The following PAX3 variants were observed in gnomAD, a reference collection of about 807,000 sequenced individuals.
PAX3 encodes paired box 3, also known as paired box protein Pax-3.
A neutral mutation model predicts 51.6 loss-of-function variants in PAX3; 14 were observed. That is an observed-to-expected ratio of 0.27 (90% CI 0.18 to 0.42). The LOEUF (loss-of-function observed/expected upper bound fraction) is 0.42. PAX3 is among the 10% of genes least tolerant of loss of function. The probability of loss-of-function intolerance (pLI) is 1.00; values close to 1 mark genes in which losing one functional copy is unlikely to be tolerated. For missense variants in PAX3, 540 were observed against 642.8 expected, an observed-to-expected ratio of 0.84 and a Z score of 1.73; for synonymous variants, 280 against 253.4, an observed-to-expected ratio of 1.11 and a Z score of -1.00.
chr2:222,233,650 G>A (rs542831635), intron 4 of PAX3, among the ~76,000 whole-genome samples: 2 of 152,162 alleles, frequency 1.3e-5, no homozygotes, highest in Non-Finnish European at 2.9e-5. Flanking sequence ...GCCCTCTCCC[G>A]GGACCCCAGA....
At chr2:222,224,727 T>C (rs1202172177) in intron 5 of PAX3, among the ~76,000 whole-genome samples, 1 of 152,226 alleles carries the variant, frequency 6.6e-6, no homozygotes, top group East Asian at 1.9e-4. Context: ...ATTGTATCAC[T>C]AATTCCTAAC....
chr2:222,298,173 C>T (rs45618941), intron 1 of PAX3: 9,006 of 315,380 alleles, frequency 0.029, 191 homozygotes, highest in Middle Eastern at 0.08. Flanking sequence ...GGGACAATTT[C>T]GAGACAACTT....
At chr2:222,260,066 G>A (rs1574707263) in intron 4 of PAX3, among the ~76,000 whole-genome samples, 1 of 152,112 alleles carries the variant, frequency 6.6e-6, no homozygotes, top group Admixed American at 6.5e-5. Flanking sequence ...GTAGAGATGA[G>A]GTCTAGCTTT....
chr2:222,200,030 C>A lies in PAX3; in HGVS notation c.*1378G>T, dbSNP rs1250513214. The A allele has an allele frequency of 4.9e-6, 1 of 205,318 alleles. No individual in the cohort carries two copies. Among genetic ancestry groups the A allele is most frequent in the Non-Finnish European group, 1.0e-5 (1 of 100,062 alleles). The allele number at this position is 205,318 out of a possible 1,614,324, so 12.7% of individuals were successfully genotyped here. On this transcript the variant is annotated 3_prime_UTR_variant, in exon 9 of 9. Coordinates refer to ENST00000392070, the MANE Select transcript of PAX3 (RefSeq NM_181458.4). ...CTCTTGTTCCATCACCCTCTAAGAC[C>A]AATGCATGAACTAAATTCGGTACTA...
chr2:222,295,763 G>T, intron 2 of PAX3, 106 bp from the exon 3 acceptor site: 3 of 1,320,944 alleles, frequency 2.3e-6, no homozygotes, highest in Middle Eastern at 2.5e-4. Context: ...TGAATCCTCT[G>T]GGACGGTCCC....
chr2:222,237,815 T>G (rs1274419168), intron 4 of PAX3, among the ~76,000 whole-genome samples: 2 of 152,198 alleles, frequency 1.3e-5, no homozygotes, highest in Non-Finnish European at 2.9e-5. Context: ...TTTTGGTATT[T>G]TGTATTACAA....
intron 5 of PAX3, among the ~76,000 whole-genome samples, chr2:222,226,222 G>T (rs867007984): frequency 2.0e-5 from 3 of 152,184 alleles, no homozygotes; most frequent in African/African-American, 7.2e-5. Flanking sequence ...TCAGGATGTC[G>T]AATGCTGACA....
intron 7 of PAX3, among the ~76,000 whole-genome samples, chr2:222,213,722 G>A (rs1691841375): frequency 6.6e-6 from 1 of 152,150 alleles, no homozygotes; most frequent in Non-Finnish European, 1.5e-5. Flanking sequence ...CCCCTCCATT[G>A]GGAAATAGGT....
In PAX3 at chr2:222,267,928, G is replaced by C. The variant is rs149398093; in HGVS notation, c.586+26239C>G. Among the ~76,000 whole-genome samples, 14 of 152,292 alleles carry C rather than the reference G, an allele frequency of 9.2e-5. No individual in the cohort carries two copies. The East Asian group carries it at 2.5e-3, about 27-fold the overall frequency. On this transcript the variant is annotated intron_variant, in intron 4 of 8. Coordinates refer to ENST00000392070, the MANE Select transcript of PAX3 (RefSeq NM_181458.4). Reference sequence around the variant, plus strand: ...TTTTTAAGAAAAGGAAAGTTTTCAAGCATCAGTATATGACTGTTTTGTTAA... The same window carrying C: ...TTTTTAAGAAAAGGAAAGTTTTCAACCATCAGTATATGACTGTTTTGTTAA...
chr2:222,231,330 C>T (rs1365204263), intron 5 of PAX3, among the ~76,000 whole-genome samples: 2 of 152,212 alleles, frequency 1.3e-5, no homozygotes, highest in African/African-American at 4.8e-5. Flanking sequence ...ATCTTTCAAA[C>T]ACTGTTTTAC....
At chr2:222,206,230 CAG>C (rs891505326) in intron 7 of PAX3, among the ~76,000 whole-genome samples, 6 of 151,996 alleles carry the variant, frequency 3.9e-5, no homozygotes, top group Admixed American at 2.6e-4. Flanking sequence ...CAAGGCTACC[CAG>C]TTCTGTCTCC....
At chr2:222,239,638 G>A (rs1692933647) in intron 4 of PAX3, among the ~76,000 whole-genome samples, 1 of 151,940 alleles carries the variant, frequency 6.6e-6, no homozygotes, top group African/African-American at 2.4e-5. Flanking sequence ...CCAGAACTAG[G>A]GTCCGAGTAA....
chr2:222,251,161 T>A (rs1273637483), intron 4 of PAX3, among the ~76,000 whole-genome samples: 1 of 152,156 alleles, frequency 6.6e-6, no homozygotes, highest in Non-Finnish European at 1.5e-5. Flanking sequence ...CGTGCAGGTT[T>A]GTTACATATG....
chr2:222,231,430 G>T (rs958129966), intron 5 of PAX3, among the ~76,000 whole-genome samples: 1 of 152,172 alleles, frequency 6.6e-6, no homozygotes, highest in Non-Finnish European at 1.5e-5. Context: ...TTTCCAGAAG[G>T]TTCAGAGCAC....
At chr2:222,230,638 C>T (rs534958147) in intron 5 of PAX3, among the ~76,000 whole-genome samples, 1 of 152,122 alleles carries the variant, frequency 6.6e-6, no homozygotes, top group East Asian at 1.9e-4. Flanking sequence ...GGCCAGATCA[C>T]GAGGTCAGGA....
chr2:222,285,833 T>A (rs45559733), intron 4 of PAX3, among the ~76,000 whole-genome samples: 1 of 152,244 alleles, frequency 6.6e-6, no homozygotes, highest in Admixed American at 6.5e-5. Context: ...ATCCATATGA[T>A]CCTGTAAATT....
intron 7 of PAX3, among the ~76,000 whole-genome samples, chr2:222,212,624 CA>C (rs1691786299): frequency 5.5e-5 from 4 of 72,766 alleles, no homozygotes; most frequent in Non-Finnish European, 1.2e-4. Flanking sequence ...GAAAAACAAA[CA>C]CACACACACA....
chr2:222,213,295 CA>C (rs1691820085), intron 7 of PAX3, among the ~76,000 whole-genome samples: 1 of 152,136 alleles, frequency 6.6e-6, no homozygotes, highest in Non-Finnish European at 1.5e-5. Context: ...GTGTAGCGAC[CA>C]CAGCCTTAGA....
At chr2:222,272,223 T>C (rs933869036) in intron 4 of PAX3, among the ~76,000 whole-genome samples, 1 of 152,230 alleles carries the variant, frequency 6.6e-6, no homozygotes, top group African/African-American at 2.4e-5. Flanking sequence ...AGCAAGCCGT[T>C]CTGAAATGTG....
Sources: gnomAD v4.1 joint callset for allele counts (sites outside exome capture counted in the v4.1 genomes callset) on GRCh38, gnomAD v4.1.1 for gene constraint, MANE v1.5 for transcripts, NCBI Gene and HGNC (gene_info 2026-07-23, HGNC 2026-07-21) for gene names.